The following ADCY9 variants were observed in gnomAD, a reference collection of about 807,000 sequenced individuals.
ADCY9 encodes adenylate cyclase 9.
A neutral mutation model predicts 101.5 loss-of-function variants in ADCY9; 50 were observed. That is an observed-to-expected ratio of 0.49 (90% CI 0.39 to 0.62). ADCY9 has a LOEUF of 0.62. Ranked by LOEUF, ADCY9 falls within the 20% of genes least tolerant of loss-of-function variation. The probability of loss-of-function intolerance (pLI) is 0.00; values close to 1 mark genes in which losing one functional copy is unlikely to be tolerated. For missense variants in ADCY9, 1,662 were observed against 1,800.4 expected (o/e 0.92, Z 1.39); for synonymous variants, 905 against 769.3 (o/e 1.18, Z -2.92).
intron 2 of ADCY9, among the ~76,000 whole-genome samples, chr16:4,045,652 A>G (rs1358124203): frequency 1.4e-5 from 2 of 147,976 alleles, no homozygotes; most frequent in Non-Finnish European, 3.0e-5. Flanking sequence ...AATTTGCTGC[A>G]TCCATCCAAG....
chr16:4,088,338 C>A (rs2056952756), intron 2 of ADCY9, among the ~76,000 whole-genome samples: 1 of 152,066 alleles, frequency 6.6e-6, no homozygotes, highest in East Asian at 1.9e-4. Flanking sequence ...GCTGCCCAGG[C>A]TGGAGTGCAG....
chr16:4,067,603 C>A (rs994486167), intron 2 of ADCY9, among the ~76,000 whole-genome samples: 1 of 152,156 alleles, frequency 6.6e-6, no homozygotes, highest in African/African-American at 2.4e-5. Context: ...ACTGGGGTAG[C>A]TCTACCCACC....
Position 3,978,865 on chromosome 16 carries a change from G to A in ADCY9, c.2679+251C>T, listed in dbSNP as rs12923006. Among the ~76,000 whole-genome samples, 24,862 of 152,016 alleles carry A rather than the reference G, an allele frequency of 0.16. 2,215 individuals carry two copies. Among genetic ancestry groups the A allele is most frequent in the South Asian group, 0.41 (1,972 of 4,820 alleles). On this transcript the variant is annotated intron_variant, in intron 8 of 10. Transcript: ENST00000294016. ...CTCCCAAGTAGCTGGGATTAAAGGC[G>A]CCTGCCACCATGACCAGCTAATTGT...
At chr16:3,989,704 G>T (rs2056228621) in intron 5 of ADCY9, among the ~76,000 whole-genome samples, 1 of 152,214 alleles carries the variant, frequency 6.6e-6, no homozygotes, top group African/African-American at 2.4e-5. Context: ...CTAATGTCTA[G>T]GATTAGGAGA....
chr16:4,047,121 TA>T (rs887433630), intron 2 of ADCY9, among the ~76,000 whole-genome samples: 2 of 152,056 alleles, frequency 1.3e-5, no homozygotes, highest in Non-Finnish European at 2.9e-5. Flanking sequence ...CTTCGTTTTT[TA>T]AAAAAAATGA....
chr16:3,993,343 T>A (rs1597151515), intron 4 of ADCY9, 63 bp downstream of exon 4: 1 of 1,595,532 alleles, frequency 6.3e-7, no homozygotes, highest in Non-Finnish European at 8.6e-7. Context: ...AAGACAGGAA[T>A]GTCACCTTGG....
In ADCY9 at chr16:3,979,253, C is replaced by T. The variant is rs375674603; in HGVS notation, c.2542G>A (p.Val848Ile). ...AGCAGGCGCTTGGTGCAGGCCATGA[C>T]GTCCTCCAGGAAGAACACCATCCTG... ...SIRMVFFLED[V>I]MACTKRLLEW... The change falls in exon 8 of 11, where the codon GTC becomes ATC. Residue 848 changes from valine to isoleucine, a missense_variant. Physicochemically the swap from Val to Ile is conservative, Grantham distance 29. This residue lies in a region of ADCY9 where 624 missense variants were observed against 639.1 expected (regional missense o/e 0.98). Transcript: ENST00000294016. 21 of 1,613,908 alleles carry T rather than the reference C, an allele frequency of 1.3e-5. No homozygotes were observed. Among genetic ancestry groups the T allele is most frequent in the African/African-American group, 2.7e-5 (2 of 75,036 alleles).
intron 2 of ADCY9, among the ~76,000 whole-genome samples, chr16:4,049,468 A>T (rs981876857): frequency 2.5e-4 from 38 of 152,192 alleles, no homozygotes; most frequent in Non-Finnish European, 4.7e-4. Context: ...CTAATCAAAT[A>T]GTAAACACCT....
At chr16:3,999,999 G>T (rs1951437892) in intron 3 of ADCY9, among the ~76,000 whole-genome samples, 1 of 151,824 alleles carries the variant, frequency 6.6e-6, no homozygotes, top group Non-Finnish European at 1.5e-5. Context: ...TCTCAGAAAT[G>T]AGGAGGATAC....
intron 2 of ADCY9, among the ~76,000 whole-genome samples, chr16:4,099,680 G>T (rs981675148): frequency 6.6e-6 from 1 of 152,194 alleles, no homozygotes; most frequent in Non-Finnish European, 1.5e-5. Flanking sequence ...TATCTGTAAT[G>T]GAATGAAATA....
chr16:4,079,881 A>C (rs1441017879), intron 2 of ADCY9, among the ~76,000 whole-genome samples: 1 of 152,056 alleles, frequency 6.6e-6, no homozygotes, highest in Admixed American at 6.5e-5. Context: ...CTTTTTGCTT[A>C]TCTGTCTTTT....
In ADCY9 at chr16:3,992,327, GC is replaced by G; in HGVS notation, c.2025del (p.Leu676SerfsTer30). The part of the protein sequence containing the change: ...SGGPNPKTQN[G>X]LLSPPQEEKL... ...TTCTCCTCTTGGGGAGGGCTGAGGA[GC>G]CCGTTCTGAGTTTTGGGATTAGGTC... is the stretch of plus-strand genomic sequence containing the variant. On this transcript the variant is annotated frameshift_variant, in exon 5 of 11. Transcript: ENST00000294016. LOFTEE classifies it high-confidence loss of function. The surrounding 1 kb of genome is among the most constrained non-coding windows in gnomAD (Gnocchi z 4.2). 1 of 1,614,128 alleles carries G rather than the reference GC, an allele frequency of 6.2e-7. No individual in the cohort carries two copies. The highest frequency in any genetic ancestry group is 8.5e-7 in the Non-Finnish European group (1 of 1,180,020).
chr16:4,008,974 A>C (rs1228569401), intron 2 of ADCY9, among the ~76,000 whole-genome samples: 3 of 152,206 alleles, frequency 2.0e-5, no homozygotes, highest in African/African-American at 7.2e-5. Context: ...CGCTGGGTAC[A>C]TATTTGGTCA....
intron 8 of ADCY9, 89 bp from the exon 9 acceptor site, chr16:3,977,719 A>G (rs1231996853): frequency 5.4e-6 from 8 of 1,471,680 alleles, no homozygotes; most frequent in Non-Finnish European, 7.3e-6. Context: ...CCACTAATCC[A>G]TGTTTCCTTT....
intron 2 of ADCY9, among the ~76,000 whole-genome samples, chr16:4,067,258 G>C (rs963868807): frequency 6.6e-6 from 1 of 152,238 alleles, no homozygotes; most frequent in African/African-American, 2.4e-5. Flanking sequence ...CACAAGGGTA[G>C]TAAAATACTA....
chr16:4,108,071 T>G (rs1349725357), intron 2 of ADCY9, among the ~76,000 whole-genome samples: 1 of 152,208 alleles, frequency 6.6e-6, no homozygotes, highest in African/African-American at 2.4e-5. Flanking sequence ...TATTCCCCTC[T>G]TCAGAGATAT....
At chr16:4,041,199 T>C (rs1344047040) in intron 2 of ADCY9, among the ~76,000 whole-genome samples, 3 of 152,140 alleles carry the variant, frequency 2.0e-5, no homozygotes, top group Non-Finnish European at 4.4e-5. Context: ...CCTTATTTTT[T>C]CCTTCTAAAG....
chr16:4,023,591 G>C (rs1404152939), intron 2 of ADCY9, among the ~76,000 whole-genome samples: 1 of 152,316 alleles, frequency 6.6e-6, no homozygotes, highest in East Asian at 1.9e-4. Flanking sequence ...AGGCTGGGGA[G>C]GTGGGCCAGG....
intron 8 of ADCY9, among the ~76,000 whole-genome samples, chr16:3,978,622 G>A (rs1031815459): frequency 5.9e-5 from 9 of 152,260 alleles, no homozygotes; most frequent in Non-Finnish European, 1.2e-4. Flanking sequence ...CTGCCCGGGC[G>A]TGAGCATCTG....
Sources: allele counts gnomAD v4.1 joint callset (sites outside exome capture counted in the v4.1 genomes callset), GRCh38; gene constraint gnomAD v4.1.1; regional missense constraint gnomAD v4.1.1; non-coding constraint Gnocchi (gnomAD v3.1); transcripts MANE v1.5; gene names NCBI Gene and HGNC (gene_info 2026-07-23, HGNC 2026-07-21).